Variants in NSMCE1 observed in about 807,000 individuals in gnomAD.
NSMCE1 encodes the protein non-structural maintenance of chromosomes element 1 homolog.
NSMCE1 carries 18 observed loss-of-function variants against 29.6 expected under a neutral mutation model. The observed-to-expected ratio is 0.61, with a 90% confidence interval of 0.42 to 0.90. NSMCE1 has a LOEUF of 0.90. Ranked by LOEUF, NSMCE1 falls within the 40% of genes least tolerant of loss-of-function variation. The probability of loss-of-function intolerance (pLI) is 0.00; values close to 1 mark genes in which losing one functional copy is unlikely to be tolerated. For synonymous variants in NSMCE1, 124 were observed against 133.4 expected, an observed-to-expected ratio of 0.93 and a Z score of 0.49; for missense variants, 314 against 343.6, an observed-to-expected ratio of 0.91 and a Z score of 0.68.
At chr16:27,262,117 G>A (rs895859418) in intron 1 of NSMCE1, among the ~76,000 whole-genome samples, 2 of 151,956 alleles carry the variant, frequency 1.3e-5, no homozygotes, top group Non-Finnish European at 2.9e-5. Context: ...GGTGGCACGC[G>A]CCTGTAATCC....
chr16:27,234,486 A>G (rs1481387386), intron 3 of NSMCE1, among the ~76,000 whole-genome samples: 3 of 152,236 alleles, frequency 2.0e-5, no homozygotes, highest in Admixed American at 2.0e-4. Flanking sequence ...TCAGAACTCC[A>G]AAGGGTGTGC....
chr16:27,236,249 T>C (rs891549360), intron 2 of NSMCE1, among the ~76,000 whole-genome samples: 1 of 149,700 alleles, frequency 6.7e-6, no homozygotes, highest in African/African-American at 2.5e-5. Flanking sequence ...CTGGAAGCAG[T>C]GGAAGGACAT....
chr16:27,255,432 C>T (rs555625774), intron 2 of NSMCE1, among the ~76,000 whole-genome samples: 1 of 152,284 alleles, frequency 6.6e-6, no homozygotes, highest in Non-Finnish European at 1.5e-5. Flanking sequence ...GATCTGCAAA[C>T]CTACACACGA....
At chr16:27,237,765 G>C (rs1194529221) in intron 2 of NSMCE1, among the ~76,000 whole-genome samples, 1 of 152,194 alleles carries the variant, frequency 6.6e-6, no homozygotes, top group Non-Finnish European at 1.5e-5. Flanking sequence ...GTTGCAGGGA[G>C]GGAGCCAGCA....
At chr16:27,254,211 TC>T (rs1306023962) in intron 2 of NSMCE1, among the ~76,000 whole-genome samples, 3 of 152,202 alleles carry the variant, frequency 2.0e-5, no homozygotes, top group Non-Finnish European at 4.4e-5. Context: ...GTTTAAAATC[TC>T]CCTAATAACA....
chr16:27,265,379 G>A lies in NSMCE1; in HGVS notation c.-12+3327C>T, dbSNP rs542962989. ...AGATGGGGTCTCACCTGTTGCCCCA[G>A]CTGGTCTCATACTCCTGGACTCAAG... On this transcript the variant is annotated intron_variant, in intron 1 of 7. Coordinates refer to ENST00000361439, the MANE Select transcript of NSMCE1 (RefSeq NM_145080.4). Among the ~76,000 whole-genome samples, 12 of 152,008 alleles carry A rather than the reference G, an allele frequency of 7.9e-5. No homozygotes were observed. In the South Asian group the frequency reaches 2.5e-3, roughly 32 times the overall value.
chr16:27,257,449 T>C lies in NSMCE1; in HGVS notation c.122A>G (p.Tyr41Cys), dbSNP rs779370784. Residue 41 changes from tyrosine (Y) to cysteine (C), a missense_variant, in exon 2 of 8, where the codon TAC (tyrosine) becomes TGC (cysteine). Transcript: ENST00000361439. ...WDVKRLQTHC[Y>C]KVHDRNATVD... ...ACGGTACTCACGGTCATGGACCTTGTAGCAGTGCGTCTGCAAGCGCTTCAC... is the reference window on the plus strand; with the variant it reads ...ACGGTACTCACGGTCATGGACCTTGCAGCAGTGCGTCTGCAAGCGCTTCAC... The C allele has an allele frequency of 1.9e-6, 3 of 1,612,874 alleles. No homozygotes were observed. Among genetic ancestry groups the C allele is most frequent in the Non-Finnish European group, 2.5e-6 (3 of 1,179,428 alleles).
intron 2 of NSMCE1, among the ~76,000 whole-genome samples, chr16:27,241,012 T>G (rs1332564080): frequency 6.6e-6 from 1 of 152,204 alleles, no homozygotes; most frequent in Non-Finnish European, 1.5e-5. Flanking sequence ...AGTTGGAGAC[T>G]GCAATGAGCT....
rs1024899447 is a variant in NSMCE1 at position 27,232,109 on chromosome 16, C to T, written c.483+892G>A. Among the ~76,000 whole-genome samples the T allele has an allele frequency of 6.6e-5, 10 of 152,216 alleles. No individual in the cohort carries two copies. Among genetic ancestry groups the T allele is most frequent in the Non-Finnish European group, 1.3e-4 (9 of 68,012 alleles). On this transcript the variant is annotated intron_variant, in intron 5 of 7. Transcript: ENST00000361439. This position sits in a 1 kb window ranked among gnomAD's most constrained non-coding sequence, Gnocchi z 4.5. The stretch of plus-strand genomic sequence containing the variant: ...CAGACTTCCCCAACCCAGACGCGAG[C>T]CTTCCTGAAAAGGAAGCGGAGAATC...
chr16:27,244,489 C>T (rs1301125623), intron 2 of NSMCE1, among the ~76,000 whole-genome samples: 1 of 152,202 alleles, frequency 6.6e-6, no homozygotes, highest in East Asian at 1.9e-4. Flanking sequence ...GGGGCTCCAT[C>T]CCCTGACCTA....
chr16:27,256,711 CCT>C (rs2084090843), intron 2 of NSMCE1, among the ~76,000 whole-genome samples: 1 of 152,170 alleles, frequency 6.6e-6, no homozygotes, highest in Non-Finnish European at 1.5e-5. Context: ...AGCACCATGT[CCT>C]GTCTCCAAGG....
chr16:27,226,983 G>C (rs1199015232), intron 5 of NSMCE1, 147 bp from the exon 6 acceptor site: 7 of 632,322 alleles, frequency 1.1e-5, no homozygotes, highest in Middle Eastern at 4.2e-4. Context: ...ACGGGCATCA[G>C]CCACATCCCC....
intron 2 of NSMCE1, among the ~76,000 whole-genome samples, chr16:27,256,965 C>A (rs2084093949): frequency 6.6e-6 from 1 of 152,208 alleles, no homozygotes; most frequent in Non-Finnish European, 1.5e-5. Context: ...TATCCTCCCA[C>A]CTTGATTCCC....
rs959505487 is a variant in NSMCE1 at position 27,232,719 on chromosome 16, G to A, written c.483+282C>T. Among the ~76,000 whole-genome samples the A allele has an allele frequency of 3.9e-5, 6 of 152,252 alleles. No individual in the cohort carries two copies. Among genetic ancestry groups the A allele is most frequent in the African/African-American group, 1.4e-4 (6 of 41,470 alleles). On this transcript the variant is annotated intron_variant, in intron 5 of 7. Transcript: ENST00000361439. The surrounding 1 kb of genome is among the most constrained non-coding windows in gnomAD (Gnocchi z 4.5). ...GCCCTGCCTTGCAGTCTGTGGGCTAGAGCCTTGATCCTGGGGCCCAAGTCC... is the reference window on the plus strand; with the variant it reads ...GCCCTGCCTTGCAGTCTGTGGGCTAAAGCCTTGATCCTGGGGCCCAAGTCC...
chr16:27,233,174 C>T, intron 4 of NSMCE1, 27 bp from the exon 5 acceptor site: 2 of 1,598,030 alleles, frequency 1.3e-6, no homozygotes. Context: ...GTATCATGCT[C>T]ATCTATTAAA....
intron 1 of NSMCE1, among the ~76,000 whole-genome samples, chr16:27,264,054 C>T (rs1173028517): frequency 1.3e-5 from 2 of 152,176 alleles, no homozygotes; most frequent in Admixed American, 1.3e-4. Context: ...AAGGACTTGT[C>T]CTACCAGCTA....
intron 2 of NSMCE1, 130 bp from the exon 3 acceptor site, chr16:27,235,429 C>G: frequency 1.0e-6 from 1 of 976,412 alleles, no homozygotes; most frequent in Non-Finnish European, 1.5e-6. Context: ...GAGGCTGCAG[C>G]CTCTTGGGTG....
chr16:27,246,076 A>G (rs2083954482), intron 2 of NSMCE1, among the ~76,000 whole-genome samples: 1 of 152,224 alleles, frequency 6.6e-6, no homozygotes, highest in Non-Finnish European at 1.5e-5. Context: ...CATGTCAATC[A>G]GCACGCTGGA....
chr16:27,252,833 C>T (rs139462736), intron 2 of NSMCE1, among the ~76,000 whole-genome samples: 1,616 of 152,198 alleles, frequency 0.011, 16 homozygotes, highest in Middle Eastern at 0.061. Flanking sequence ...GCAGGAGAAT[C>T]GCTTGAACCT....
Sources: allele counts gnomAD v4.1 joint callset (sites outside exome capture counted in the v4.1 genomes callset), GRCh38; gene constraint gnomAD v4.1.1; non-coding constraint Gnocchi (gnomAD v3.1); transcripts MANE v1.5; gene names NCBI Gene and HGNC (gene_info 2026-07-23, HGNC 2026-07-21).